ARHGAP5: variants seen among roughly 807,000 people sequenced by gnomAD.
The protein encoded by ARHGAP5 is rho GTPase-activating protein 5.
A neutral mutation model predicts 116.6 loss-of-function variants in ARHGAP5; 23 were observed. The observed-to-expected ratio is 0.20, with a 90% CI of 0.14 to 0.28. The LOEUF is 0.28. Ranked by LOEUF, ARHGAP5 falls within the 10% of genes least tolerant of loss-of-function variation. The pLI is 1.00. For missense variants in ARHGAP5, 1,405 were observed against 1,774.8 expected (o/e 0.79, Z 3.74); for synonymous variants, 574 against 602.0 (o/e 0.95, Z 0.68).
At chr14:32,127,972 G>A (rs1210391035) in intron 3 of ARHGAP5, among the ~76,000 whole-genome samples, 2 of 150,112 alleles carry the variant, frequency 1.3e-5, no homozygotes, top group Admixed American at 1.3e-4. Context: ...CAGACGGGGT[G>A]GCGGCCGGGC....
At chr14:32,146,062 C>T (rs889078045) in intron 3 of ARHGAP5, among the ~76,000 whole-genome samples, 10 of 152,050 alleles carry the variant, frequency 6.6e-5, no homozygotes, top group Non-Finnish European at 1.5e-4. Context: ...GTGCATGCCA[C>T]CATGCCCAGC....
At position 32,129,280 on chromosome 14, in the gene ARHGAP5, T is replaced by C. The variant is rs113543846; in HGVS notation, c.3865+11993T>C. Among the ~76,000 whole-genome samples, 916 of 152,344 alleles carry C rather than the reference T, an allele frequency of 6.0e-3. 7 individuals are homozygous for C. The highest frequency in any genetic ancestry group is 0.02 in the African/African-American group (831 of 41,570). Reference sequence around the variant, plus strand: ...AGTCCTTTCTGTTCCCATTTTTTTTTCAGTTATGCTAGAGTAGGTGATCAG... The same window carrying C: ...AGTCCTTTCTGTTCCCATTTTTTTTCCAGTTATGCTAGAGTAGGTGATCAG... On this transcript the variant is annotated intron_variant, in intron 3 of 6. Coordinates refer to ENST00000345122, the MANE Select transcript of ARHGAP5 (RefSeq NM_001030055.2).
Position 32,093,940 on chromosome 14 carries a change from T to C in ARHGAP5, c.3271T>C (p.Tyr1091His). ...TGAAGATATGGATCCTTCAGATAAC[T>C]ATGCGGAACCCATTGATACAATTTT... ...HPEDMDPSDN[Y>H]AEPIDTIFKQ... The change falls in exon 2 of 7, where the codon TAT becomes CAT. Residue 1091 changes from tyrosine to histidine, a missense_variant. Around this residue, in one of 6 missense-constraint regions of ARHGAP5, gnomAD observed 944 missense variants for 1,095.3 expected, o/e 0.86. Transcript: ENST00000345122. The C allele has an allele frequency of 6.2e-7, 1 of 1,614,090 alleles. No individual in the cohort carries two copies. The highest frequency in any genetic ancestry group is 8.5e-7 in the Non-Finnish European group (1 of 1,179,998).
intron 4 of ARHGAP5, among the ~76,000 whole-genome samples, chr14:32,149,404 T>C (rs1444876486): frequency 2.0e-5 from 3 of 152,060 alleles, no homozygotes; most frequent in Admixed American, 6.6e-5. Flanking sequence ...CCTAACAGCA[T>C]TTTTTTATTA....
chr14:32,112,051 T>C (rs1205360631), intron 2 of ARHGAP5, among the ~76,000 whole-genome samples: 2 of 152,062 alleles, frequency 1.3e-5, no homozygotes, highest in Non-Finnish European at 1.5e-5. Context: ...TCTCCTGACA[T>C]TGCGATCCGC....
At chr14:32,133,508 A>G (rs542057644) in intron 3 of ARHGAP5, among the ~76,000 whole-genome samples, 17 of 152,290 alleles carry the variant, frequency 1.1e-4, no homozygotes, top group African/African-American at 3.8e-4. Flanking sequence ...TTCTAGATAT[A>G]CAATCATGTC....
chr14:32,138,094 C>T (rs994515610), intron 3 of ARHGAP5, among the ~76,000 whole-genome samples: 1 of 151,488 alleles, frequency 6.6e-6, no homozygotes, highest in Non-Finnish European at 1.5e-5. Context: ...AGTGTTGTAC[C>T]TTCTTGGTCA....
intron 5 of ARHGAP5, among the ~76,000 whole-genome samples, chr14:32,150,401 G>A (rs528091108): frequency 6.6e-6 from 1 of 152,168 alleles, no homozygotes; most frequent in Non-Finnish European, 1.5e-5. Flanking sequence ...CCTGTTTTAT[G>A]TTGCTGTAAC....
At chr14:32,097,003 G>C (rs1878557510) in intron 2 of ARHGAP5, among the ~76,000 whole-genome samples, 1 of 152,124 alleles carries the variant, frequency 6.6e-6, no homozygotes, top group African/African-American at 2.4e-5. Context: ...TATTCTCATT[G>C]ATGGCAAAAC....
chr14:32,110,758 A>G (rs1285711346), intron 2 of ARHGAP5, among the ~76,000 whole-genome samples: 2 of 152,170 alleles, frequency 1.3e-5, no homozygotes, highest in Non-Finnish European at 2.9e-5. Flanking sequence ...TGATAGCTTT[A>G]TGGGCCAGGG....
At chr14:32,140,881 T>C (rs1361614047) in intron 3 of ARHGAP5, among the ~76,000 whole-genome samples, 1 of 152,224 alleles carries the variant, frequency 6.6e-6, no homozygotes, top group Non-Finnish European at 1.5e-5. Context: ...TGGTGATCTG[T>C]CTAGTTCTGT....
chr14:32,127,658 A>G (rs1484890565), intron 3 of ARHGAP5, among the ~76,000 whole-genome samples: 1 of 152,122 alleles, frequency 6.6e-6, no homozygotes, highest in African/African-American at 2.4e-5. Context: ...CGCCATCGTC[A>G]TCATGGCCCG....
At chr14:32,103,101 T>A (rs1878862855) in intron 2 of ARHGAP5, among the ~76,000 whole-genome samples, 1 of 152,248 alleles carries the variant, frequency 6.6e-6, no homozygotes, top group Non-Finnish European at 1.5e-5. Flanking sequence ...GCTAAATTGA[T>A]CTACCTGGTT....
At chr14:32,143,969 T>A (rs1594392842) in intron 3 of ARHGAP5, among the ~76,000 whole-genome samples, 1 of 152,158 alleles carries the variant, frequency 6.6e-6, no homozygotes, top group South Asian at 2.1e-4. Context: ...ACCAAAAATA[T>A]CTCTAGGCAT....
At chr14:32,121,389 T>G (rs1268651796) in intron 3 of ARHGAP5, among the ~76,000 whole-genome samples, 3 of 152,198 alleles carry the variant, frequency 2.0e-5, no homozygotes, top group African/African-American at 7.2e-5. Context: ...GGTATACATC[T>G]TTATAGATTA....
chr14:32,139,980 AC>A (rs1218277978), intron 3 of ARHGAP5, among the ~76,000 whole-genome samples: 3 of 149,910 alleles, frequency 2.0e-5, no homozygotes, highest in African/African-American at 7.3e-5. Flanking sequence ...ATAGGATAAT[AC>A]CATATGTGAT....
intron 3 of ARHGAP5, among the ~76,000 whole-genome samples, chr14:32,131,831 G>A (rs944751728): frequency 1.8e-4 from 28 of 152,038 alleles, no homozygotes; most frequent in Non-Finnish European, 3.7e-4. Context: ...GAGAACATGC[G>A]GTGTTTGGTT....
intron 2 of ARHGAP5, among the ~76,000 whole-genome samples, chr14:32,096,910 C>T (rs185894540): frequency 1.5e-4 from 23 of 152,322 alleles, no homozygotes; most frequent in East Asian, 5.8e-4. Flanking sequence ...TACAGGTCTA[C>T]AGACCCTTAA....
intron 2 of ARHGAP5, among the ~76,000 whole-genome samples, chr14:32,110,457 G>T (rs1325244867): frequency 1.3e-5 from 2 of 151,996 alleles, no homozygotes; most frequent in African/African-American, 4.8e-5. Flanking sequence ...TAATAGGGTG[G>T]TCAGTGTAGG....
Sources: allele counts gnomAD v4.1 joint callset (sites outside exome capture counted in the v4.1 genomes callset), GRCh38; gene constraint gnomAD v4.1.1; regional missense constraint gnomAD v4.1.1; transcripts MANE v1.5; gene names NCBI Gene and HGNC (gene_info 2026-07-23, HGNC 2026-07-21).